The following NEK9 variants were observed in gnomAD, a reference collection of about 807,000 sequenced individuals.
The protein encoded by NEK9 is NIMA related kinase 9, also known as serine/threonine-protein kinase Nek9.
A neutral mutation model predicts 123.4 loss-of-function variants in NEK9; 75 were observed. The ratio of observed to expected loss-of-function variants is 0.61; its 90% CI spans 0.50 to 0.74. NEK9 has a LOEUF of 0.74. Among genes scored for constraint, NEK9 ranks in the 30% least tolerant of loss-of-function variants. NEK9 has a pLI of 0.00. For missense variants in NEK9, 952 were observed against 1,214.4 expected, an observed-to-expected ratio of 0.78 and a Z score of 3.21; for synonymous variants, 438 against 458.7, an observed-to-expected ratio of 0.95 and a Z score of 0.58.
intron 1 of NEK9, among the ~76,000 whole-genome samples, chr14:75,125,409 C>T (rs894029311): frequency 6.6e-6 from 1 of 152,142 alleles, no homozygotes; most frequent in African/African-American, 2.4e-5. Context: ...ATGGACAACG[C>T]TATGCAATTT....
chr14:75,091,066 G>C (rs1181075562), intron 19 of NEK9, among the ~76,000 whole-genome samples: 3 of 152,032 alleles, frequency 2.0e-5, no homozygotes, highest in Non-Finnish European at 2.9e-5. Context: ...AAGTAACAAG[G>C]GTATGAGAAC....
rs978538243 is a variant in NEK9, at chr14:75,080,420, T to A, written c.*4144A>T. On this transcript the variant is annotated 3_prime_UTR_variant, in exon 22 of 22. Coordinates refer to ENST00000238616, the MANE Select transcript of NEK9 (RefSeq NM_033116.6). ...CTGGGAAGAGATAAGAACCTTTTTT[T>A]AAAAAAATCTGAATTTCTTCCTGGA... The A allele has an allele frequency of 3.9e-5, 6 of 152,096 alleles. No homozygotes were observed. Among genetic ancestry groups the A allele is most frequent in the South Asian group, 2.1e-4 (1 of 4,832 alleles). The allele number at this position is 152,096 out of a possible 1,614,324, so 9.4% of individuals were successfully genotyped here.
chr14:75,105,337 A>G lies in NEK9; in HGVS notation c.1575+613T>C, dbSNP rs563328115. ...AAAAAAAAAAGAAAACAGAAAACCCAAAACACTGCTAACAATAAATGGTAT... is the reference window on the plus strand; with the variant it reads ...AAAAAAAAAAGAAAACAGAAAACCCGAAACACTGCTAACAATAAATGGTAT... On this transcript the variant is annotated intron_variant, in intron 13 of 21. Transcript: ENST00000238616. 1.5e-4 allele frequency among the ~76,000 whole-genome samples: 23 copies of G among 152,148 alleles called. 1 individual carries two copies. In the South Asian group the frequency reaches 4.1e-3, roughly 27 times the overall value.
intron 6 of NEK9, among the ~76,000 whole-genome samples, chr14:75,115,929 T>G (rs1895127308): frequency 6.6e-6 from 1 of 152,200 alleles, no homozygotes; most frequent in Non-Finnish European, 1.5e-5. Flanking sequence ...AATGACAATC[T>G]TTATTTATTT....
chr14:75,106,745 A>G, intron 11 of NEK9, 43 bp from the exon 12 acceptor site: 1 of 1,520,108 alleles, frequency 6.6e-7, no homozygotes, highest in Non-Finnish European at 9.0e-7. Flanking sequence ...GGACTGACTT[A>G]TTTTATCTAA....
intron 18 of NEK9, among the ~76,000 whole-genome samples, chr14:75,093,019 T>C (rs878890573): frequency 2.0e-5 from 3 of 152,230 alleles, no homozygotes; most frequent in Admixed American, 6.5e-5. Flanking sequence ...ATTTTAGATA[T>C]ACCTAAGACT....
intron 19 of NEK9, 102 bp downstream of exon 19, chr14:75,091,168 A>G (rs1266884264): frequency 2.2e-6 from 2 of 916,372 alleles, no homozygotes; most frequent in Non-Finnish European, 3.2e-6. Context: ...GATGCACAAC[A>G]GTTTACTAGG....
intron 8 of NEK9, 48 bp from the exon 9 acceptor site, chr14:75,110,419 T>C (rs1163429625): frequency 1.4e-6 from 2 of 1,420,146 alleles, no homozygotes; most frequent in Non-Finnish European, 2.0e-6. Context: ...TAGGTTTTTA[T>C]ATTGCAAAGG....
At chr14:75,111,497 A>C (rs535793530) in intron 8 of NEK9, among the ~76,000 whole-genome samples, 2 of 152,224 alleles carry the variant, frequency 1.3e-5, no homozygotes, top group African/African-American at 2.4e-5. Flanking sequence ...TTTCCATCAA[A>C]GTACAAAGTT....
rs754215254 is a variant in NEK9 at position 75,101,201 on chromosome 14, A to G, written c.1841-48T>C. The G allele has an allele frequency of 8.9e-6, 14 of 1,566,044 alleles. No individual in the cohort carries two copies. The African/African-American group carries it at 1.9e-4, about 21-fold the overall frequency. ...TAACAAGGCACAAATGAGTCCTGGA[A>G]CCCAGAGAAGATGCAGCCAAGCAGA... On this transcript the variant is annotated intron_variant, in intron 15 of 21. Transcript: ENST00000238616.
intron 18 of NEK9, chr14:75,091,800 A>C: frequency 9.1e-6 from 2 of 220,068 alleles, no homozygotes; most frequent in Non-Finnish European, 8.8e-6. Context: ...AGCCCACCAA[A>C]TCTAGCACCC....
chr14:75,121,003 G>T, intron 3 of NEK9, 116 bp downstream of exon 3: 1 of 830,920 alleles, frequency 1.2e-6, no homozygotes, highest in Non-Finnish European at 2.1e-6. Flanking sequence ...GAGCCTGGAA[G>T]GAGTCTGAAC....
chr14:75,117,416 T>C, intron 5 of NEK9, 90 bp from the exon 6 acceptor site: 1 of 1,379,140 alleles, frequency 7.3e-7, no homozygotes, highest in Non-Finnish European at 9.8e-7. Flanking sequence ...TCCTAGGAAC[T>C]AGTCATAACA....
chr14:75,093,415 C>T (rs926749186), intron 18 of NEK9, among the ~76,000 whole-genome samples: 1 of 152,110 alleles, frequency 6.6e-6, no homozygotes, highest in African/African-American at 2.4e-5. Flanking sequence ...ACTTTATCGC[C>T]TTTATGTATC....
At chr14:75,096,049 C>T (rs539816407) in intron 17 of NEK9, among the ~76,000 whole-genome samples, 4 of 151,680 alleles carry the variant, frequency 2.6e-5, no homozygotes, top group South Asian at 4.2e-4. Context: ...TTTGGGAGGC[C>T]GAGGCAGGCA....
chr14:75,109,430 A>C (rs184713315), intron 10 of NEK9, among the ~76,000 whole-genome samples: 1 of 152,168 alleles, frequency 6.6e-6, no homozygotes, highest in Admixed American at 6.5e-5. Flanking sequence ...CAGTCTCCTG[A>C]GTCTTTCAAT....
At position 75,101,737 on chromosome 14, in the gene NEK9, G is replaced by A. The variant is rs745360654; in HGVS notation, c.1760C>T (p.Ser587Phe). 3.1e-6 allele frequency: 5 copies of A among 1,613,936 alleles called. No individual in the cohort carries two copies. The highest frequency in any genetic ancestry group is 4.2e-6 in the Non-Finnish European group (5 of 1,179,904). The change falls in exon 15 of 22, where the codon TCC (serine) becomes TTC (phenylalanine). Residue 587 changes from serine to phenylalanine, a missense_variant. Physicochemically the swap from Ser to Phe is radical, Grantham distance 155. This residue lies in a region of NEK9 where 698 missense variants were observed against 875.6 expected (regional missense o/e 0.80). Coordinates refer to ENST00000238616, the MANE Select transcript of NEK9 (RefSeq NM_033116.6). The part of the protein sequence containing the change: ...EAYHEVPYTT[S>F]FTLAKQLSFY... Reference sequence around the variant, plus strand: ...GGACAACTGTTTGGCCAAGGTAAAGGACGTTGTGTAGGGAACTTCATGGTA... The same window carrying A: ...GGACAACTGTTTGGCCAAGGTAAAGAACGTTGTGTAGGGAACTTCATGGTA...
chr14:75,093,200 C>G (rs1445273436), intron 18 of NEK9, among the ~76,000 whole-genome samples: 1 of 152,136 alleles, frequency 6.6e-6, no homozygotes, highest in African/African-American at 2.4e-5. Flanking sequence ...CTGGAGTGCT[C>G]AATAGCCACA....
Position 75,079,534 on chromosome 14 carries a change from A to G in NEK9, c.*5030T>C, listed in dbSNP as rs982568152. The G allele has an allele frequency of 6.6e-6, 1 of 152,270 alleles. No individual in the cohort carries two copies. The highest frequency in any genetic ancestry group is 2.4e-5 in the African/African-American group (1 of 41,466). 9.4% of individuals were successfully genotyped at this position (152,270 alleles called of 1,614,324 possible). ...TGGGAATGTAAACCAGTACATTGCA[A>G]TAGATGGCAAGAGTAAGCTGTGGCC... On this transcript the variant is annotated 3_prime_UTR_variant, in exon 22 of 22. Coordinates refer to ENST00000238616, the MANE Select transcript of NEK9 (RefSeq NM_033116.6).
Sources: allele counts gnomAD v4.1 joint callset (sites outside exome capture counted in the v4.1 genomes callset), GRCh38; gene constraint gnomAD v4.1.1; regional missense constraint gnomAD v4.1.1; transcripts MANE v1.5; gene names NCBI Gene and HGNC (gene_info 2026-07-23, HGNC 2026-07-21).